SIN3B: variants seen among roughly 807,000 people sequenced by gnomAD.
SIN3B encodes SIN3 transcription regulator family member B.
In SIN3B, 19 loss-of-function variants were observed where a neutral mutation model predicts 120.2. The observed-to-expected ratio is 0.16, with a 90% CI of 0.11 to 0.23. The LOEUF is 0.23. Among genes scored for constraint, SIN3B ranks in the 10% least tolerant of loss-of-function variants. SIN3B has a pLI of 1.00. For synonymous variants in SIN3B, 654 were observed against 653.2 expected (o/e 1.00, Z -0.02); for missense variants, 1,073 against 1,573.0 (o/e 0.68, Z 5.38).
In SIN3B at chr19:16,876,318, G is replaced by A. The variant is rs1176426341; in HGVS notation, c.2766+90G>A. 8.7e-5 allele frequency: 128 copies of A among 1,473,984 alleles called. No individual in the cohort carries two copies. Among genetic ancestry groups the A allele is most frequent in the Non-Finnish European group, 1.1e-4 (116 of 1,088,134 alleles). The allele number at this position is 1,473,984 out of a possible 1,614,324, so 91.3% of individuals were successfully genotyped here. A position where few individuals can be genotyped will look rare whatever the true frequency, so the allele number is the denominator to read the frequency against. On this transcript the variant is annotated intron_variant, in intron 15 of 18. Transcript: ENST00000248054. The surrounding 1 kb of genome is among the most constrained non-coding windows in gnomAD (Gnocchi z 7.1). ...AGTCCTGGGTGGACCCTGGTTCAGC[G>A]GCTGGGACACCGGCCCTGCTGCAGA...
chr19:16,834,243 C>G (rs1466670673), intron 3 of SIN3B, among the ~76,000 whole-genome samples: 1 of 152,182 alleles, frequency 6.6e-6, no homozygotes, highest in Non-Finnish European at 1.5e-5. Context: ...TTTGCAGAGC[C>G]TGAATGCTGT....
intron 13 of SIN3B, among the ~76,000 whole-genome samples, chr19:16,870,435 A>T (rs1357702332): frequency 6.9e-6 from 1 of 144,052 alleles, no homozygotes; most frequent in African/African-American, 2.6e-5. Context: ...CGCAGGCTGG[A>T]GTATAGTGGC....
chr19:16,831,435 G>C (rs1391167731), intron 2 of SIN3B, 59 bp from the exon 3 acceptor site: 4 of 1,538,216 alleles, frequency 2.6e-6, no homozygotes, highest in Non-Finnish European at 3.6e-6. Context: ...GTGGGGAATA[G>C]ATTATATTTT....
Position 16,879,350 on chromosome 19 carries a change from G to C in SIN3B, c.*623G>C, listed in dbSNP as rs1040330457. On this transcript the variant is annotated 3_prime_UTR_variant, in exon 19 of 19. Coordinates refer to ENST00000248054, the MANE Select transcript of SIN3B (RefSeq NM_001297595.2). The stretch of plus-strand genomic sequence containing the variant: ...ATTTTGAAGTCCAGAGCTGGAGCAG[G>C]CGGGCAGTGCCCTGGGAGACCCCGC... The C allele has an allele frequency of 3.3e-5, 5 of 152,500 alleles. No individual in the cohort carries two copies. Among genetic ancestry groups the C allele is most frequent in the Admixed American group, 6.5e-5 (1 of 15,300 alleles). 9.4% of individuals were successfully genotyped at this position (152,500 alleles called of 1,614,324 possible). A position where few individuals can be genotyped will look rare whatever the true frequency, so the allele number is the denominator to read the frequency against.
At position 16,872,938 on chromosome 19, in the gene SIN3B, C is replaced by T. The variant is rs564788042; in HGVS notation, c.2592+1540C>T. ...CTGAGGACAGGCATGGGCGGTGCCC[C>T]GTGGGTGTGTCTGCGGTGGCCGTCT... On this transcript the variant is annotated intron_variant, in intron 14 of 18. Transcript: ENST00000248054. Among the ~76,000 whole-genome samples the T allele has an allele frequency of 3.3e-5, 5 of 152,268 alleles. No homozygotes were observed. In the South Asian group the frequency reaches 6.2e-4, roughly 19 times the overall value.
At chr19:16,849,048 A>G (rs1030036035) in intron 5 of SIN3B, among the ~76,000 whole-genome samples, 8 of 152,222 alleles carry the variant, frequency 5.3e-5, no homozygotes, top group Admixed American at 6.5e-5. Flanking sequence ...TTTAGTGTGT[A>G]TTGGTTTATT....
chr19:16,854,052 T>A, intron 7 of SIN3B, 91 bp from the exon 8 acceptor site: 1 of 846,770 alleles, frequency 1.2e-6, no homozygotes, highest in Admixed American at 2.2e-5. Flanking sequence ...GGTTCCCATA[T>A]CGCACACCCA....
At chr19:16,866,329 A>T (rs373813957) in intron 11 of SIN3B, 44 bp from the exon 12 acceptor site, 2 of 1,568,062 alleles carry the variant, frequency 1.3e-6, no homozygotes, top group African/African-American at 2.7e-5. Context: ...TTCAGGGAGG[A>T]TGCCCTGGCT....
chr19:16,865,968 G>A (rs776175475), intron 11 of SIN3B, among the ~76,000 whole-genome samples: 3 of 152,126 alleles, frequency 2.0e-5, no homozygotes, highest in African/African-American at 2.4e-5. Context: ...GCTGCATTTC[G>A]GATGCCGTCC....
intron 13 of SIN3B, 141 bp from the exon 14 acceptor site, chr19:16,871,088 C>G: frequency 9.7e-7 from 1 of 1,033,232 alleles, no homozygotes; most frequent in Non-Finnish European, 1.5e-6. Context: ...CCTGGTGATT[C>G]CCACATTTGC....
At chr19:16,831,669 G>A (rs376267076) in intron 3 of SIN3B, 22 bp downstream of exon 3, 12 of 1,612,078 alleles carry the variant, frequency 7.4e-6, no homozygotes, top group East Asian at 6.7e-5. Flanking sequence ...CAGTGGTTCG[G>A]GTGATCTCAG....
At chr19:16,838,001 A>T (rs573799078) in intron 3 of SIN3B, among the ~76,000 whole-genome samples, 1 of 152,032 alleles carries the variant, frequency 6.6e-6, no homozygotes, top group South Asian at 2.1e-4. Context: ...ATGGTGTGGG[A>T]GGCAGTTCGA....
chr19:16,843,443 G>A (rs184825544), intron 4 of SIN3B, among the ~76,000 whole-genome samples: 145 of 152,380 alleles, frequency 9.5e-4, no homozygotes, highest in Non-Finnish European at 1.7e-3. Context: ...ATCTGTGAGA[G>A]GCTGGTACAG....
At chr19:16,846,231 T>C (rs1020875250) in intron 4 of SIN3B, 7 of 152,238 alleles carry the variant, frequency 4.6e-5, no homozygotes, top group African/African-American at 1.7e-4. Context: ...GTGTTTTTTT[T>C]CCCCTGCAGT....
intron 12 of SIN3B, among the ~76,000 whole-genome samples, chr19:16,867,685 C>T (rs1336005386): frequency 1.3e-5 from 2 of 152,172 alleles, no homozygotes; most frequent in Admixed American, 6.5e-5. Flanking sequence ...AGTGAGCGGT[C>T]GCTCCTTCTT....
At chr19:16,867,083 G>A (rs542718595) in intron 12 of SIN3B, among the ~76,000 whole-genome samples, 3 of 152,282 alleles carry the variant, frequency 2.0e-5, no homozygotes, top group Admixed American at 6.5e-5. Context: ...CGAAGTCTCC[G>A]TCCCTCCCGT....
At chr19:16,853,714 C>T (rs567148150) in intron 7 of SIN3B, among the ~76,000 whole-genome samples, 2 of 131,114 alleles carry the variant, frequency 1.5e-5, no homozygotes, top group African/African-American at 2.9e-5. Context: ...GCACGGGCTG[C>T]GTGAATTGCA....
At position 16,865,313 on chromosome 19, in the gene SIN3B, C is replaced by A. The variant is rs996109935; in HGVS notation, c.1384-97C>A. On this transcript the variant is annotated intron_variant, in intron 10 of 18. Transcript: ENST00000248054. ...TATCTCTTAAATACACACACCCCCC[C>A]CCCAAAAAAATCCTCTGGTCTCTGA... 92 of 556,692 alleles carry A rather than the reference C, an allele frequency of 1.7e-4. 7 individuals carry two copies. Among genetic ancestry groups the A allele is most frequent in the Non-Finnish European group, 2.4e-4 (73 of 304,744 alleles). 34.5% of individuals were successfully genotyped at this position (556,692 alleles called of 1,614,324 possible).
intron 5 of SIN3B, among the ~76,000 whole-genome samples, chr19:16,849,531 TG>T (rs1971518650): frequency 6.6e-6 from 1 of 152,226 alleles, no homozygotes; most frequent in African/African-American, 2.4e-5. Flanking sequence ...ATTTTATTTA[TG>T]AGAACAACAG....
Sources: allele counts gnomAD v4.1 joint callset (sites outside exome capture counted in the v4.1 genomes callset), GRCh38; gene constraint gnomAD v4.1.1; non-coding constraint Gnocchi (gnomAD v3.1); transcripts MANE v1.5; gene names NCBI Gene and HGNC (gene_info 2026-07-23, HGNC 2026-07-21).